The following WWOX variants were observed in gnomAD, a reference collection of about 807,000 sequenced individuals.
The protein encoded by WWOX is WW domain containing oxidoreductase.
Under a neutral mutation model 46.2 loss-of-function variants are expected in WWOX, and 69 were observed. The ratio of observed to expected loss-of-function variants is 1.49; its 90% confidence interval spans 1.23 to 1.82. The LOEUF (loss-of-function observed/expected upper bound fraction) is 1.82, where lower values mean the gene tolerates loss of function less well. WWOX is among the 40% of genes most tolerant of loss of function. The pLI is 0.00. For missense variants in WWOX, 919 were observed against 542.6 expected, an observed-to-expected ratio of 1.69 and a Z score of -6.89; for synonymous variants, 359 against 202.6, an observed-to-expected ratio of 1.77 and a Z score of -6.56.
At chr16:78,335,294 G>A (rs2080862788) in intron 5 of WWOX, among the ~76,000 whole-genome samples, 2 of 152,218 alleles carry the variant, frequency 1.3e-5, no homozygotes, top group South Asian at 4.2e-4. Context: ...CCACCTGCAA[G>A]CCCCAGTGTG....
rs1422199532 is a variant in WWOX at position 78,597,778 on chromosome 16, AT to A, written c.1056+165027del. 8.2e-4 allele frequency among the ~76,000 whole-genome samples: 112 copies of A among 137,004 alleles called. 1 individual carries two copies. The highest frequency in any genetic ancestry group is 3.0e-3 in the African/African-American group (88 of 29,640). 89.9% of individuals were successfully genotyped at this position (137,004 alleles called of 152,430 possible). ...TATATGTGTATATATATATATATAT[AT>A]AAAATATATTTCCATGAATATACTG... On this transcript the variant is annotated intron_variant, in intron 8 of 8. Coordinates refer to ENST00000566780, the MANE Select transcript of WWOX (RefSeq NM_016373.4).
chr16:78,229,732 T>G (rs1016839185), intron 5 of WWOX, among the ~76,000 whole-genome samples: 2 of 152,076 alleles, frequency 1.3e-5, no homozygotes, highest in Admixed American at 1.3e-4. Context: ...ATGCAGACCA[T>G]GTGGAATCCC....
In WWOX at chr16:78,328,628, C is replaced by T. The variant is rs139823518; in HGVS notation, c.517-58232C>T. 2.5e-3 allele frequency among the ~76,000 whole-genome samples: 383 copies of T among 152,144 alleles called. 2 individuals are homozygous for T. The highest frequency in any genetic ancestry group is 8.5e-3 in the African/African-American group (354 of 41,496). On this transcript the variant is annotated intron_variant, in intron 5 of 8. Transcript: ENST00000566780. The stretch of plus-strand genomic sequence containing the variant: ...ATCGAATGTGGAAATTAGATGAATC[C>T]GGAGTTAGTGCAATGAAAGTTACTA...
chr16:78,929,153 C>G (rs2045565096), intron 8 of WWOX, among the ~76,000 whole-genome samples: 1 of 152,018 alleles, frequency 6.6e-6, no homozygotes, highest in Non-Finnish European at 1.5e-5. Context: ...AATAAGAACA[C>G]GGTTTGGGGG....
At chr16:79,100,802 G>C (rs976354556) in intron 8 of WWOX, among the ~76,000 whole-genome samples, 4 of 152,024 alleles carry the variant, frequency 2.6e-5, no homozygotes, top group African/African-American at 9.7e-5. Context: ...AACATACAAT[G>C]CATTTTCCAG....
intron 8 of WWOX, among the ~76,000 whole-genome samples, chr16:78,783,131 A>C (rs1429693737): frequency 6.6e-6 from 1 of 152,230 alleles, no homozygotes; most frequent in African/African-American, 2.4e-5. Flanking sequence ...AAAAACCAAA[A>C]CAAAACAAAA....
intron 5 of WWOX, among the ~76,000 whole-genome samples, chr16:78,196,098 A>C (rs1020051806): frequency 3.3e-5 from 5 of 152,222 alleles, no homozygotes; most frequent in African/African-American, 1.2e-4. Context: ...ACTTTTCTGC[A>C]GATGATCAAG....
chr16:78,537,941 A>C (rs767126467), intron 8 of WWOX, among the ~76,000 whole-genome samples: 10 of 152,228 alleles, frequency 6.6e-5, no homozygotes, highest in Admixed American at 5.9e-4. Context: ...GCCCCGGCCT[A>C]TCTCTCAGGA....
chr16:78,868,086 A>G (rs1000585497), intron 8 of WWOX, among the ~76,000 whole-genome samples: 2 of 152,228 alleles, frequency 1.3e-5, no homozygotes, highest in Non-Finnish European at 2.9e-5. Flanking sequence ...ATGAATGTTC[A>G]TAGCAGCATC....
chr16:78,813,171 T>G (rs960872152), intron 8 of WWOX, among the ~76,000 whole-genome samples: 1 of 152,160 alleles, frequency 6.6e-6, no homozygotes, highest in African/African-American at 2.4e-5. Flanking sequence ...ATCTCAAATG[T>G]ACCTTTAATA....
At chr16:78,949,254 C>T (rs892124360) in intron 8 of WWOX, among the ~76,000 whole-genome samples, 1 of 152,150 alleles carries the variant, frequency 6.6e-6, no homozygotes. Context: ...CCCACCTGAG[C>T]CACTCTTTGC....
At chr16:78,953,587 C>A (rs554419347) in intron 8 of WWOX, among the ~76,000 whole-genome samples, 41 of 152,270 alleles carry the variant, frequency 2.7e-4, no homozygotes, top group African/African-American at 9.4e-4. Flanking sequence ...GAGAGTGTGT[C>A]CCCTCCACTG....
At chr16:78,538,974 C>G (rs1039362812) in intron 8 of WWOX, among the ~76,000 whole-genome samples, 1 of 152,176 alleles carries the variant, frequency 6.6e-6, no homozygotes, top group Non-Finnish European at 1.5e-5. Flanking sequence ...CCAAGCAATG[C>G]CCTTTCACAG....
intron 8 of WWOX, among the ~76,000 whole-genome samples, chr16:78,876,960 C>T (rs1597094803): frequency 6.6e-6 from 1 of 152,106 alleles, no homozygotes; most frequent in South Asian, 2.1e-4. Context: ...AATGTGTTTC[C>T]TCTGTATAGT....
chr16:78,752,883 G>A (rs111528511), intron 8 of WWOX, among the ~76,000 whole-genome samples: 10 of 152,318 alleles, frequency 6.6e-5, no homozygotes, highest in African/African-American at 2.2e-4. Flanking sequence ...AATCTGTCCT[G>A]GTCCCATCTT....
chr16:78,133,779 A>C (rs908760423), intron 4 of WWOX, among the ~76,000 whole-genome samples: 1 of 152,216 alleles, frequency 6.6e-6, no homozygotes, highest in Non-Finnish European at 1.5e-5. Flanking sequence ...GAACCTCCAG[A>C]CTGCATGTCA....
intron 4 of WWOX, among the ~76,000 whole-genome samples, chr16:78,131,284 C>T (rs187506395): frequency 8.5e-5 from 13 of 152,304 alleles, no homozygotes; most frequent in Non-Finnish European, 1.6e-4. Context: ...GTGATCATAG[C>T]TCACTGTAGC....
intron 5 of WWOX, among the ~76,000 whole-genome samples, chr16:78,309,955 G>A (rs527936700): frequency 8.5e-4 from 130 of 152,190 alleles, no homozygotes; most frequent in Admixed American, 2.2e-3. Context: ...GGTTATATGC[G>A]TGAAGTTCGT....
chr16:78,444,374 C>G (rs1168228145), intron 8 of WWOX, among the ~76,000 whole-genome samples: 1 of 151,886 alleles, frequency 6.6e-6, no homozygotes, highest in African/African-American at 2.4e-5. Flanking sequence ...AACAGTTTAA[C>G]TTGAAAGGAA....
Sources: allele counts gnomAD v4.1 joint callset (sites outside exome capture counted in the v4.1 genomes callset), GRCh38; gene constraint gnomAD v4.1.1; transcripts MANE v1.5; gene names NCBI Gene and HGNC (gene_info 2026-07-23, HGNC 2026-07-21).